Variants in SDR42E2 observed in about 807,000 individuals in gnomAD.
SDR42E2 encodes the protein short chain dehydrogenase/reductase family 42E, member 2, also known as putative short-chain dehydrogenase/reductase family 42E member 2.
Under a neutral mutation model 10.5 loss-of-function variants are expected in SDR42E2, and 20 were observed. The ratio of observed to expected loss-of-function variants is 1.90; its 90% CI spans 1.34 to 2.77. SDR42E2 has a LOEUF of 2.77. SDR42E2 is among the 30% of genes most tolerant of loss of function. The pLI, the probability that SDR42E2 is intolerant of heterozygous loss-of-function variation, is 0.00. For missense variants in SDR42E2, 162 were observed against 104.2 expected, an observed-to-expected ratio of 1.55 and a Z score of -2.42; for synonymous variants, 72 against 39.2, an observed-to-expected ratio of 1.84 and a Z score of -3.12.
chr16:22,191,719 G>C lies in SDR42E2; in HGVS notation c.*1326G>C, dbSNP rs1403177116. 1.3e-5 allele frequency: 2 copies of C among 151,900 alleles called. No individual in the cohort carries two copies. The highest frequency in any genetic ancestry group is 2.9e-5 in the Non-Finnish European group (2 of 67,998). The allele number at this position is 151,900 out of a possible 1,614,324, so 9.4% of individuals were successfully genotyped here. The stretch of plus-strand genomic sequence containing the variant: ...AACTCTTAAAATAATTGGATGTCTC[G>C]ATGAAGTACCAATAAAGCTATAATG... On this transcript the variant is annotated 3_prime_UTR_variant, in exon 13 of 13. Coordinates refer to ENST00000602312, the MANE Select transcript of SDR42E2 (RefSeq NM_001394319.2).
At chr16:22,170,502 A>G (rs2046589136) in intron 5 of SDR42E2, among the ~76,000 whole-genome samples, 1 of 152,270 alleles carries the variant, frequency 6.6e-6, no homozygotes, top group African/African-American at 2.4e-5. Flanking sequence ...CTAAGTCTCC[A>G]TCCAGTGAGA....
rs566272793 is a variant in SDR42E2, at chr16:22,165,904, A to G, written c.55+267A>G. ...TGGGTCCGTACCTGGTCTAGGAGCTAGGTCCGTACCTGGGCCAGGAGCTGG... is the reference window on the plus strand; with the variant it reads ...TGGGTCCGTACCTGGTCTAGGAGCTGGGTCCGTACCTGGGCCAGGAGCTGG... On this transcript the variant is annotated intron_variant, in intron 2 of 12. Transcript: ENST00000602312. Among the ~76,000 whole-genome samples, 614 of 84,212 alleles carry G rather than the reference A, an allele frequency of 7.3e-3. 1 individual carries two copies. Among genetic ancestry groups the G allele is most frequent in the African/African-American group, 0.016 (308 of 19,858 alleles). 55.2% of individuals were successfully genotyped at this position (84,212 alleles called of 152,430 possible).
At chr16:22,163,231 C>A (rs2046510539) in intron 1 of SDR42E2, among the ~76,000 whole-genome samples, 1 of 152,192 alleles carries the variant, frequency 6.6e-6, no homozygotes, top group South Asian at 2.1e-4. Flanking sequence ...TGAGTCCAGC[C>A]TTTGCCACAA....
intron 12 of SDR42E2, among the ~76,000 whole-genome samples, chr16:22,187,225 G>C (rs2046742472): frequency 6.6e-6 from 1 of 152,106 alleles, no homozygotes. Context: ...ACTGAATAAT[G>C]AGTATATATT....
At chr16:22,182,629 T>C (rs1330150788) in intron 10 of SDR42E2, among the ~76,000 whole-genome samples, 1 of 152,056 alleles carries the variant, frequency 6.6e-6, no homozygotes, top group Non-Finnish European at 1.5e-5. Flanking sequence ...ATTACAGGCA[T>C]GAGCCACTGT....
chr16:22,172,302 C>A lies in SDR42E2; in HGVS notation c.560C>A (p.Thr187Asn), dbSNP rs1209795021. 2 of 703,314 alleles carry A rather than the reference C, an allele frequency of 2.8e-6. No homozygotes were observed. Among genetic ancestry groups the A allele is most frequent in the Admixed American group, 2.0e-5 (1 of 50,014 alleles). The allele number at this position is 703,314 out of a possible 1,614,324, so 43.6% of individuals were successfully genotyped here. The change falls in exon 7 of 13, where the codon ACC becomes AAC. Residue 187 changes from threonine to asparagine, a missense_variant. Thr to Asn is a moderately conservative substitution (Grantham distance 65). Coordinates refer to ENST00000602312, the MANE Select transcript of SDR42E2 (RefSeq NM_001394319.2). ...SRTKAIADQL[T>N]LMANGMPLPG... Reference sequence around the variant, plus strand: ...ACCAAAGCCATCGCCGACCAATTGACCCTCATGGCCAATGGGATGCCTCTC... The same window carrying A: ...ACCAAAGCCATCGCCGACCAATTGAACCTCATGGCCAATGGGATGCCTCTC...
intron 11 of SDR42E2, among the ~76,000 whole-genome samples, chr16:22,184,720 G>A (rs1271723293): frequency 6.6e-6 from 1 of 152,180 alleles, no homozygotes. Context: ...GCCTGAGTTT[G>A]CACTTGTCTG....
intron 12 of SDR42E2, among the ~76,000 whole-genome samples, chr16:22,187,515 G>C (rs1355254331): frequency 6.6e-6 from 1 of 150,902 alleles, no homozygotes; most frequent in Non-Finnish European, 1.5e-5. Flanking sequence ...TCAGGTGGGG[G>C]ATTACTTGAG....
At chr16:22,183,553 A>C (rs1257352920) in intron 10 of SDR42E2, among the ~76,000 whole-genome samples, 1 of 152,228 alleles carries the variant, frequency 6.6e-6, no homozygotes, top group Non-Finnish European at 1.5e-5. Flanking sequence ...CCTAGCAGCC[A>C]GGCTTGCCTG....
At chr16:22,170,093 G>A (rs1394195749) in intron 5 of SDR42E2, among the ~76,000 whole-genome samples, 2 of 151,950 alleles carry the variant, frequency 1.3e-5, no homozygotes, top group African/African-American at 2.4e-5. Context: ...GGTGGCTCAC[G>A]CCTGTAATCC....
intron 7 of SDR42E2, among the ~76,000 whole-genome samples, chr16:22,173,586 T>C (rs904122985): frequency 9.2e-5 from 14 of 152,068 alleles, no homozygotes; most frequent in Admixed American, 9.2e-4. Context: ...TTTTATGGAT[T>C]CTCCTCCCAC....
At chr16:22,179,974 C>T (rs1255956182) in intron 8 of SDR42E2, among the ~76,000 whole-genome samples, 1 of 152,054 alleles carries the variant, frequency 6.6e-6, no homozygotes, top group Non-Finnish European at 1.5e-5. Flanking sequence ...AAAGGCTCTT[C>T]CTCCAAATAC....
At chr16:22,187,434 T>C (rs928976487) in intron 12 of SDR42E2, among the ~76,000 whole-genome samples, 4 of 150,608 alleles carry the variant, frequency 2.7e-5, no homozygotes, top group African/African-American at 9.8e-5. Context: ...CTGGGCAACA[T>C]AGCAAGACCT....
At position 22,190,125 on chromosome 16, in the gene SDR42E2, G is replaced by C. The variant is rs1448906061; in HGVS notation, c.1015-14G>C. ...CACGAGGCCCGCCCTCGGATGCCCC[G>C]CCTGTCCCCGCAGGTGCGCAGCGTG... On this transcript the variant is annotated splice_polypyrimidine_tract_variant and intron_variant, in intron 12 of 12. Transcript: ENST00000602312. 7.5e-6 allele frequency: 3 copies of C among 400,922 alleles called. No individual in the cohort carries two copies. Among genetic ancestry groups the C allele is most frequent in the Non-Finnish European group, 8.8e-6 (2 of 226,128 alleles). 24.8% of individuals were successfully genotyped at this position (400,922 alleles called of 1,614,324 possible).
At chr16:22,175,230 C>T (rs554138637) in intron 7 of SDR42E2, among the ~76,000 whole-genome samples, 6 of 151,858 alleles carry the variant, frequency 4.0e-5, no homozygotes, top group Non-Finnish European at 7.4e-5. Flanking sequence ...GAGGCCAAGA[C>T]GGGAGGACTG....
intron 5 of SDR42E2, among the ~76,000 whole-genome samples, chr16:22,169,731 A>G (rs904933922): frequency 2.0e-5 from 3 of 152,312 alleles, no homozygotes; most frequent in Non-Finnish European, 4.4e-5. Flanking sequence ...GACTGGAAAA[A>G]GAAAAGTTGC....
intron 8 of SDR42E2, among the ~76,000 whole-genome samples, chr16:22,179,192 T>C (rs572518524): frequency 6.6e-6 from 1 of 152,244 alleles, no homozygotes; most frequent in East Asian, 1.9e-4. Context: ...TCTCCTTATG[T>C]TGCCCAAGCT....
In SDR42E2 at chr16:22,171,754, A is replaced by T. The variant is rs1376981479; in HGVS notation, c.514-502A>T. Among the ~76,000 whole-genome samples the T allele has an allele frequency of 3.3e-5, 5 of 151,630 alleles. No homozygotes were observed. In the East Asian group the frequency reaches 9.7e-4, roughly 29 times the overall value. On this transcript the variant is annotated intron_variant, in intron 6 of 12. Transcript: ENST00000602312. ...ATTGAGTTGCCCAGGCTGGTCTCGA[A>T]CTCCTGGGCTCAATCAATCCTCCCT...
chr16:22,171,201 G>C (rs2046597474), intron 6 of SDR42E2, among the ~76,000 whole-genome samples: 1 of 152,122 alleles, frequency 6.6e-6, no homozygotes, highest in Non-Finnish European at 1.5e-5. Context: ...CTGACCCTGA[G>C]CAAATCACTT....
Sources: gnomAD v4.1 joint callset for allele counts (sites outside exome capture counted in the v4.1 genomes callset) on GRCh38, gnomAD v4.1.1 for gene constraint, MANE v1.5 for transcripts, NCBI Gene and HGNC (gene_info 2026-07-23, HGNC 2026-07-21) for gene names.